ACOXL: variants seen among roughly 807,000 people sequenced by gnomAD.
The protein encoded by ACOXL is acyl-CoA oxidase like, also known as acyl-coenzyme A oxidase-like protein.
In ACOXL, 70 loss-of-function variants were observed where a neutral mutation model predicts 71.9. The ratio of observed to expected loss-of-function variants is 0.97; its 90% CI spans 0.80 to 1.19. ACOXL has a LOEUF of 1.19. ACOXL is among the 50% of genes most tolerant of loss of function. The probability of loss-of-function intolerance (pLI) is 0.00; values close to 1 mark genes in which losing one functional copy is unlikely to be tolerated. For synonymous variants in ACOXL, 253 were observed against 281.6 expected (o/e 0.90, Z 1.02); for missense variants, 703 against 736.3 (o/e 0.95, Z 0.52).
intron 14 of ACOXL, among the ~76,000 whole-genome samples, chr2:111,015,688 T>C (rs1448133666): frequency 6.6e-6 from 1 of 152,192 alleles, no homozygotes; most frequent in Non-Finnish European, 1.5e-5. Flanking sequence ...ACAGCTTTAT[T>C]AATAATATCC....
At chr2:110,858,154 A>G (rs1388041866) in intron 10 of ACOXL, among the ~76,000 whole-genome samples, 1 of 152,196 alleles carries the variant, frequency 6.6e-6, no homozygotes. Flanking sequence ...ACAAGAAATT[A>G]GTGAAAACTC....
chr2:110,950,228 GA>G (rs2061275847), intron 12 of ACOXL, among the ~76,000 whole-genome samples: 1 of 151,962 alleles, frequency 6.6e-6, no homozygotes, highest in Non-Finnish European at 1.5e-5. Flanking sequence ...GTGGTTACTG[GA>G]AAAAATCGCT....
At chr2:110,798,959 C>T in intron 6 of ACOXL, 55 bp from the exon 7 acceptor site, 1 of 1,541,776 alleles carries the variant, frequency 6.5e-7, no homozygotes. Context: ...TATTCCAGGA[C>T]ATGAGTAAAG....
chr2:111,086,797 G>A (rs1236134080), intron 16 of ACOXL, among the ~76,000 whole-genome samples: 5 of 152,064 alleles, frequency 3.3e-5, no homozygotes, highest in Non-Finnish European at 5.9e-5. Flanking sequence ...AGTCAGTCCT[G>A]GCCAGAGCAA....
intron 13 of ACOXL, among the ~76,000 whole-genome samples, chr2:110,987,487 T>G (rs2062984351): frequency 6.6e-6 from 1 of 152,200 alleles, no homozygotes; most frequent in African/African-American, 2.4e-5. Flanking sequence ...AAAAACCCCA[T>G]GAGGTAAGTT....
intron 16 of ACOXL, among the ~76,000 whole-genome samples, chr2:111,091,013 T>C (rs1423872385): frequency 2.0e-5 from 3 of 152,130 alleles, no homozygotes; most frequent in Non-Finnish European, 4.4e-5. Flanking sequence ...CAGCTAGAGA[T>C]TAAAGAGGGA....
At chr2:110,988,860 TG>T (rs2063052052) in intron 13 of ACOXL, among the ~76,000 whole-genome samples, 1 of 61,316 alleles carries the variant, frequency 1.6e-5, no homozygotes, top group South Asian at 4.5e-4. Flanking sequence ...ATTTTTATTG[TG>T]TGTGTGTGTG....
chr2:110,972,633 G>A (rs571700331), intron 12 of ACOXL, among the ~76,000 whole-genome samples: 35 of 128,142 alleles, frequency 2.7e-4, no homozygotes, highest in Middle Eastern at 3.8e-3. Context: ...ACACGCACAT[G>A]CACACACACA....
chr2:110,801,868 GA>G, intron 8 of ACOXL, 144 bp downstream of exon 8: 1 of 641,576 alleles, frequency 1.6e-6, no homozygotes, highest in Non-Finnish European at 2.7e-6. Flanking sequence ...CAACTAATTG[GA>G]AAAGATACGT....
rs994025167 is a variant in ACOXL, at chr2:110,933,146, AT to A, written c.906-342del. Among the ~76,000 whole-genome samples the A allele has an allele frequency of 6.9e-4, 105 of 152,376 alleles. 3 individuals carry two copies. The highest frequency in any genetic ancestry group is 2.4e-3 in the African/African-American group (101 of 41,582). On this transcript the variant is annotated intron_variant, in intron 11 of 17. Transcript: ENST00000439055. Reference sequence around the variant, plus strand: ...TCATGTCTGACAATCTCCAAATTAAATAGTACTGTTTAAACCATTTGCACCT... The same window carrying A: ...TCATGTCTGACAATCTCCAAATTAAAAGTACTGTTTAAACCATTTGCACCT...
chr2:110,916,264 A>G (rs1472692653), intron 11 of ACOXL, among the ~76,000 whole-genome samples: 1 of 151,728 alleles, frequency 6.6e-6, no homozygotes, highest in Non-Finnish European at 1.5e-5. Flanking sequence ...TTCTCAGCCA[A>G]TTTTGCTGGG....
intron 11 of ACOXL, among the ~76,000 whole-genome samples, 182 bp from the exon 12 acceptor site, chr2:110,933,307 C>T (rs1169268093): frequency 6.6e-6 from 1 of 152,124 alleles, no homozygotes; most frequent in Non-Finnish European, 1.5e-5. Flanking sequence ...TTTAGGTTTC[C>T]ACTGGTAGCG....
At chr2:110,789,182 G>A (rs1684359196) in intron 3 of ACOXL, among the ~76,000 whole-genome samples, 1 of 152,178 alleles carries the variant, frequency 6.6e-6, no homozygotes, top group South Asian at 2.1e-4. Flanking sequence ...GGGCATATTA[G>A]CAAAGTGCCA....
At chr2:110,825,427 C>CA (rs1689058477) in intron 9 of ACOXL, among the ~76,000 whole-genome samples, 1 of 152,036 alleles carries the variant, frequency 6.6e-6, no homozygotes. Context: ...CTAGAATCCT[C>CA]AGTAGTCATT....
At chr2:111,093,846 A>C (rs538186817) in intron 17 of ACOXL, 42 of 234,838 alleles carry the variant, frequency 1.8e-4, no homozygotes, top group Non-Finnish European at 3.1e-4. Context: ...TTTGGACTAC[A>C]GAGTGAGACT....
chr2:110,743,068 C>G (rs1677745588), intron 1 of ACOXL, among the ~76,000 whole-genome samples: 1 of 152,210 alleles, frequency 6.6e-6, no homozygotes, highest in South Asian at 2.1e-4. Flanking sequence ...CCCTTTCACC[C>G]TTCACTTATT....
Position 110,752,522 on chromosome 2 carries a change from C to T in ACOXL, c.-22-15846C>T, listed in dbSNP as rs184759119. On this transcript the variant is annotated intron_variant, in intron 1 of 17. Coordinates refer to ENST00000439055, the MANE Select transcript of ACOXL (RefSeq NM_001142807.4). Reference sequence around the variant, plus strand: ...AAGGCAGGATAGCAGCTAGCACTTTCGGAGAGAGAAAGTAGTGATTGAGGG... The same window carrying T: ...AAGGCAGGATAGCAGCTAGCACTTTTGGAGAGAGAAAGTAGTGATTGAGGG... Among the ~76,000 whole-genome samples, 14 of 149,654 alleles carry T rather than the reference C, an allele frequency of 9.4e-5. No homozygotes were observed. The Admixed American group carries it at 9.5e-4, about 10-fold the overall frequency.
intron 17 of ACOXL, among the ~76,000 whole-genome samples, chr2:111,095,838 GTC>G (rs935882613): frequency 2.6e-5 from 4 of 152,196 alleles, no homozygotes; most frequent in Non-Finnish European, 5.9e-5. Context: ...AGCCTTCTTT[GTC>G]ACATCTCTGA....
intron 14 of ACOXL, among the ~76,000 whole-genome samples, chr2:111,018,828 A>T (rs964730236): frequency 6.6e-6 from 1 of 151,954 alleles, no homozygotes; most frequent in African/African-American, 2.4e-5. Context: ...AGGAGCCCCA[A>T]ATTGCAGTTG....
Sources: allele counts gnomAD v4.1 joint callset (sites outside exome capture counted in the v4.1 genomes callset), GRCh38; gene constraint gnomAD v4.1.1; transcripts MANE v1.5; gene names NCBI Gene and HGNC (gene_info 2026-07-23, HGNC 2026-07-21).